ZNF432: variants seen among roughly 807,000 people sequenced by gnomAD.
The protein encoded by ZNF432 is zinc finger protein 432.
Under a neutral mutation model 13.9 loss-of-function variants are expected in ZNF432, and 10 were observed. The observed-to-expected ratio is 0.72, with a 90% CI of 0.44 to 1.22. ZNF432 has a LOEUF of 1.22. Among genes scored for constraint, ZNF432 ranks in the 50% most tolerant of loss-of-function variants. The probability of loss-of-function intolerance (pLI) is 0.00; values close to 1 mark genes in which losing one functional copy is unlikely to be tolerated. For synonymous variants in ZNF432, 247 were observed against 256.2 expected (o/e 0.96, Z 0.34); for missense variants, 793 against 796.2 (o/e 1.00, Z 0.05).
rs917659678 is a variant in ZNF432, at chr19:52,033,771, T to C, written c.1908A>G (p.Ser636=). ...VCSECRKAFS[S]KRNLIVHQRT... ...GCTGATGTACAATGAGATTTCTCTT[T>C]GAGGAGAAGGCTTTTCTACATTCAC... The change falls in exon 5 of 5, where the codon TCA becomes TCG. Residue 636 remains serine, a synonymous_variant. Transcript: ENST00000221315. The C allele has an allele frequency of 8.7e-6, 14 of 1,606,096 alleles. No individual in the cohort carries two copies. Among genetic ancestry groups the C allele is most frequent in the Non-Finnish European group, 1.1e-5 (13 of 1,177,528 alleles).
Position 52,034,009 on chromosome 19 carries a change from A to G in ZNF432, c.1670T>C (p.Ile557Thr), listed in dbSNP as rs2087042486. The G allele has an allele frequency of 2.5e-6, 4 of 1,614,086 alleles. No individual in the cohort carries two copies. Among genetic ancestry groups the G allele is most frequent in the South Asian group, 1.1e-5 (1 of 91,086 alleles). ...GKGFTMKRYL[I>T]VHQQIHTEEK... ...TTCTGTATGAATTTGCTGATGTACA[A>G]TGAGATAGCGTTTCATGGTGAAGCC... The change falls in exon 5 of 5, where the codon ATT (isoleucine) becomes ACT (threonine). Residue 557 changes from isoleucine (I) to threonine (T), a missense_variant. Ile to Thr is a moderately conservative substitution (Grantham distance 89). Coordinates refer to ENST00000221315, the MANE Select transcript of ZNF432 (RefSeq NM_014650.4).
At chr19:52,040,377 A>G in intron 4 of ZNF432, 111 bp downstream of exon 4, 1 of 944,780 alleles carries the variant, frequency 1.1e-6, no homozygotes, top group East Asian at 2.4e-5. Context: ...TTGTGGAGGG[A>G]AAACGATTCC....
At chr19:52,036,380 T>C (rs1276797734) in intron 4 of ZNF432, among the ~76,000 whole-genome samples, 1 of 152,212 alleles carries the variant, frequency 6.6e-6, no homozygotes, top group Non-Finnish European at 1.5e-5. Context: ...CAGGATATTT[T>C]TGTATAAAGA....
rs2087070102 is a variant in ZNF432, at chr19:52,035,360, G to A, written c.319C>T (p.His107Tyr). Reference protein sequence around the residue: ...MLKSVEQYHEHNAFGNTASQT... With the variant: ...MLKSVEQYHEYNAFGNTASQT... Reference sequence around the variant, plus strand: ...GAGGCAGTATTTCCAAATGCATTATGTTCATGGTATTGTTCCACACTCTTC... The same window carrying A: ...GAGGCAGTATTTCCAAATGCATTATATTCATGGTATTGTTCCACACTCTTC... Residue 107 changes from histidine (H) to tyrosine (Y), a missense_variant, in exon 5 of 5, where the codon CAT becomes TAT. Physicochemically the swap from His to Tyr is moderately conservative, Grantham distance 83. Transcript: ENST00000221315. 2 of 1,610,460 alleles carry A rather than the reference G, an allele frequency of 1.2e-6. No homozygotes were observed. The highest frequency in any genetic ancestry group is 1.1e-5 in the South Asian group (1 of 89,976).
At chr19:52,046,195 T>A (rs955104978) in intron 2 of ZNF432, among the ~76,000 whole-genome samples, 2 of 151,908 alleles carry the variant, frequency 1.3e-5, no homozygotes. Context: ...ATCAGACAAC[T>A]CCCTAATGCC....
intron 2 of ZNF432, among the ~76,000 whole-genome samples, chr19:52,045,006 G>GA (rs1414458062): frequency 6.6e-6 from 1 of 152,018 alleles, no homozygotes; most frequent in South Asian, 2.1e-4. Context: ...ACGATAGCTG[G>GA]AAAAAAATGC....
At position 52,034,453 on chromosome 19, in the gene ZNF432, C is replaced by T. The variant is rs375708242; in HGVS notation, c.1226G>A (p.Gly409Asp). The T allele has an allele frequency of 2.6e-5, 42 of 1,614,022 alleles. No individual in the cohort carries two copies. In the South Asian group the frequency reaches 4.1e-4, roughly 16 times the overall value. The change falls in exon 5 of 5, where the codon GGC (glycine) becomes GAC (aspartate). Residue 409 changes from glycine (G) to aspartate (D), a missense_variant. Transcript: ENST00000221315. ...AATAAGATTACTCTTCCTGGGAAAG[C>T]CTTTTCCACATTCACTGCATATGTA... ...KPYICSECGKGFPRKSNLIVH... is the reference protein window; with the variant it reads ...KPYICSECGKDFPRKSNLIVH...
chr19:52,036,084 G>A (rs1175278972), intron 4 of ZNF432, among the ~76,000 whole-genome samples: 1 of 152,156 alleles, frequency 6.6e-6, no homozygotes, highest in African/African-American at 2.4e-5. Context: ...GGGCTTGGAG[G>A]AACACCATTC....
Position 52,034,202 on chromosome 19 carries a change from C to T in ZNF432, c.1477G>A (p.Gly493Ser). The T allele has an allele frequency of 1.2e-6, 2 of 1,614,144 alleles. No homozygotes were observed. Among genetic ancestry groups the T allele is most frequent in the East Asian group, 2.2e-5 (1 of 44,880 alleles). Residue 493 changes from glycine to serine, a missense_variant, in exon 5 of 5, where the codon GGT (glycine) becomes AGT (serine). Transcript: ENST00000221315. ...ATCAGTCCGCTATTCACAATGAAACCTTTCCCACATTCACTGCACCTGTAA... is the reference window on the plus strand; with the variant it reads ...ATCAGTCCGCTATTCACAATGAAACTTTTCCCACATTCACTGCACCTGTAA... The part of the protein sequence containing the change: ...KPYRCSECGK[G>S]FIVNSGLMLH...
rs771987248 is a variant in ZNF432 at position 52,032,601 on chromosome 19, A to G, written c.*1119T>C. The G allele has an allele frequency of 3.3e-5, 5 of 151,800 alleles. No individual in the cohort carries two copies. The highest frequency in any genetic ancestry group is 5.9e-5 in the Non-Finnish European group (4 of 67,960). 9.4% of individuals were successfully genotyped at this position (151,800 alleles called of 1,614,324 possible). ...CAAGCGTGAGCCACCATGCTCGGCT[A>G]ATTTTGTATTTTTAGTAGAGAGGGG... On this transcript the variant is annotated 3_prime_UTR_variant, in exon 5 of 5. Coordinates refer to ENST00000221315, the MANE Select transcript of ZNF432 (RefSeq NM_014650.4).
chr19:52,039,806 G>T (rs1471140653), intron 4 of ZNF432, among the ~76,000 whole-genome samples: 1 of 146,296 alleles, frequency 6.8e-6, no homozygotes, highest in African/African-American at 2.6e-5. Flanking sequence ...TCCAGCCTGG[G>T]TGACAGAGTG....
At position 52,033,376 on chromosome 19, in the gene ZNF432, T is replaced by A. The variant is rs1451345351; in HGVS notation, c.*344A>T. 1 of 218,812 alleles carries A rather than the reference T, an allele frequency of 4.6e-6. No individual in the cohort carries two copies. The highest frequency in any genetic ancestry group is 9.1e-6 in the Non-Finnish European group (1 of 109,962). The allele number at this position is 218,812 out of a possible 1,614,324, so 13.6% of individuals were successfully genotyped here. On this transcript the variant is annotated 3_prime_UTR_variant, in exon 5 of 5. Coordinates refer to ENST00000221315, the MANE Select transcript of ZNF432 (RefSeq NM_014650.4). ...CTCTCTGCATGAATTTGTTTGTATG[T>A]AATCAGTTCAGATTCTCTGCAAAAG...
rs1341494094 is a variant in ZNF432, at chr19:52,032,165, A to C, written c.*1555T>G. ...GTAAACTACATAATGGTACCTAGTA[A>C]CTTGGATAAACACATCCAAATATAC... On this transcript the variant is annotated 3_prime_UTR_variant, in exon 5 of 5. Coordinates refer to ENST00000221315, the MANE Select transcript of ZNF432 (RefSeq NM_014650.4). 6.6e-6 allele frequency: 1 copy of C among 152,204 alleles called. No homozygotes were observed. Among genetic ancestry groups the C allele is most frequent in the Non-Finnish European group, 1.5e-5 (1 of 68,046 alleles). 9.4% of individuals were successfully genotyped at this position (152,204 alleles called of 1,614,324 possible).
Position 52,048,837 on chromosome 19 carries a change from G to A in ZNF432, c.-335C>T, listed in dbSNP as rs1484580689. The A allele has an allele frequency of 6.6e-6, 1 of 152,312 alleles. No homozygotes were observed. Among genetic ancestry groups the A allele is most frequent in the African/African-American group, 2.4e-5 (1 of 41,470 alleles). 9.4% of individuals were successfully genotyped at this position (152,312 alleles called of 1,614,324 possible). The stretch of plus-strand genomic sequence containing the variant: ...GCCGCGTTTCCATGGAGAGCGGAAT[G>A]CGGCCTTCCGGCTTTTCCTCAGGAG... On this transcript the variant is annotated 5_prime_UTR_variant, in exon 1 of 5. Transcript: ENST00000221315.
chr19:52,042,127 T>C (rs927869957), intron 2 of ZNF432, among the ~76,000 whole-genome samples: 4 of 152,214 alleles, frequency 2.6e-5, no homozygotes, highest in Non-Finnish European at 5.9e-5. Context: ...TATATATGTA[T>C]GCACACATAC....
Position 52,034,836 on chromosome 19 carries a change from T to G in ZNF432, c.843A>C (p.Arg281=), listed in dbSNP as rs1177749615. The G allele has an allele frequency of 1.9e-6, 3 of 1,613,576 alleles. No homozygotes were observed. The highest frequency in any genetic ancestry group is 2.7e-5 in the African/African-American group (2 of 74,920). The change falls in exon 5 of 5, where the codon CGA becomes CGC. Residue 281 remains arginine, a synonymous_variant. Coordinates refer to ENST00000221315, the MANE Select transcript of ZNF432 (RefSeq NM_014650.4). Reference sequence around the variant, plus strand: ...TGTAGGGTTTCTCTCCAGTATGAGTTCGCTGATGTTCAATCAGACGGCTCT... The same window carrying G: ...TGTAGGGTTTCTCTCCAGTATGAGTGCGCTGATGTTCAATCAGACGGCTCT... The part of the protein sequence containing the change: ...TMKSRLIEHQ[R]THTGEKPYIC...
At position 52,034,397 on chromosome 19, in the gene ZNF432, A is replaced by T. The variant is rs148494106; in HGVS notation, c.1282T>A (p.Ser428Thr). 2.5e-4 allele frequency: 407 copies of T among 1,613,026 alleles called. 3 individuals carry two copies. Among genetic ancestry groups the T allele is most frequent in the Middle Eastern group, 5.0e-4 (3 of 6,052 alleles). Residue 428 changes from serine (S) to threonine (T), a missense_variant, in exon 5 of 5, where the codon TCA (serine) becomes ACA (threonine). Physicochemically the swap from Ser to Thr is moderately conservative, Grantham distance 58. Transcript: ENST00000221315. Reference sequence around the variant, plus strand: ...TTTCCACATTCACTACATAGATATGACTTCTCTACTGTATGATTTCTCTGA... The same window carrying T: ...TTTCCACATTCACTACATAGATATGTCTTCTCTACTGTATGATTTCTCTGA... The part of the protein sequence containing the change: ...VHQRNHTVEK[S>T]YLCSECGKGF...
In ZNF432 at chr19:52,041,569, G is replaced by C; in HGVS notation, c.53C>G (p.Thr18Ser). 1 of 1,613,932 alleles carries C rather than the reference G, an allele frequency of 6.2e-7. No individual in the cohort carries two copies. The highest frequency in any genetic ancestry group is 2.2e-5 in the East Asian group (1 of 44,870). The change falls in exon 3 of 5, where the codon ACC becomes AGC. Residue 18 changes from threonine (T) to serine (S), a missense_variant. Physicochemically the swap from Thr to Ser is moderately conservative, Grantham distance 58. Transcript: ENST00000221315. The part of the protein sequence containing the change: ...LTLEDVTVEF[T>S]WEEWQLLGPF... Reference sequence around the variant, plus strand: ...GCCCAGGAGCTGCCACTCCTCCCAGGTGAACTCCACAGTAACATCCTCCAG... The same window carrying C: ...GCCCAGGAGCTGCCACTCCTCCCAGCTGAACTCCACAGTAACATCCTCCAG...
At chr19:52,043,038 C>T (rs2087150112) in intron 2 of ZNF432, among the ~76,000 whole-genome samples, 1 of 152,156 alleles carries the variant, frequency 6.6e-6, no homozygotes, top group Admixed American at 6.5e-5. Flanking sequence ...AATTGAGACC[C>T]TCTTGTCAAC....
Sources: allele counts gnomAD v4.1 joint callset (sites outside exome capture counted in the v4.1 genomes callset), GRCh38; gene constraint gnomAD v4.1.1; transcripts MANE v1.5; gene names NCBI Gene and HGNC (gene_info 2026-07-23, HGNC 2026-07-21).